Variants in LRFN5 observed in about 807,000 individuals in gnomAD.
LRFN5 encodes leucine rich repeat and fibronectin type III domain containing 5, also known as leucine-rich repeat and fibronectin type-III domain-containing protein 5.
Under a neutral mutation model 45.6 loss-of-function variants are expected in LRFN5, and 24 were observed. The observed-to-expected ratio is 0.53, with a 90% CI of 0.38 to 0.74. The LOEUF is 0.74. Ranked by LOEUF, LRFN5 falls within the 30% of genes least tolerant of loss-of-function variation. The probability of loss-of-function intolerance (pLI) is 0.00; values close to 1 mark genes in which losing one functional copy is unlikely to be tolerated. For missense variants in LRFN5, 776 were observed against 861.5 expected, an observed-to-expected ratio of 0.90 and a Z score of 1.24; for synonymous variants, 340 against 313.8, an observed-to-expected ratio of 1.08 and a Z score of -0.88.
At chr14:41,802,572 T>C (rs1295804685) in intron 2 of LRFN5, among the ~76,000 whole-genome samples, 1 of 152,182 alleles carries the variant, frequency 6.6e-6, no homozygotes, top group South Asian at 2.1e-4. Flanking sequence ...AAATGTTTTG[T>C]CAAGGAAAGT....
chr14:41,807,407 A>T (rs1012153369), intron 2 of LRFN5, among the ~76,000 whole-genome samples: 1 of 152,202 alleles, frequency 6.6e-6, no homozygotes, highest in African/African-American at 2.4e-5. Context: ...GAATGACAGC[A>T]TCTATATTTA....
At chr14:41,804,172 T>G (rs1287639958) in intron 2 of LRFN5, among the ~76,000 whole-genome samples, 1 of 152,090 alleles carries the variant, frequency 6.6e-6, no homozygotes. Context: ...AGAGTTTTAT[T>G]ACTACTCAAA....
At chr14:41,770,897 G>T (rs1045095732) in intron 2 of LRFN5, among the ~76,000 whole-genome samples, 1 of 151,974 alleles carries the variant, frequency 6.6e-6, no homozygotes, top group African/African-American at 2.4e-5. Flanking sequence ...GAGTTTCTCT[G>T]TGAGGAGCTC....
intron 1 of LRFN5, among the ~76,000 whole-genome samples, chr14:41,671,949 A>C (rs79636055): frequency 6.6e-6 from 1 of 152,222 alleles, no homozygotes; most frequent in Admixed American, 6.5e-5. Flanking sequence ...CCAAATCTTG[A>C]TTCAAAACCT....
intron 1 of LRFN5, among the ~76,000 whole-genome samples, chr14:41,630,586 A>C (rs1472413729): frequency 6.6e-6 from 1 of 152,118 alleles, no homozygotes; most frequent in East Asian, 1.9e-4. Context: ...TTAGATGTGC[A>C]GTAATGAAAC....
At chr14:41,772,976 A>G (rs1333312235) in intron 2 of LRFN5, among the ~76,000 whole-genome samples, 1 of 152,140 alleles carries the variant, frequency 6.6e-6, no homozygotes, top group Non-Finnish European at 1.5e-5. Flanking sequence ...AATTATTTAC[A>G]ATACCCAGCG....
At chr14:41,726,900 G>T in intron 1 of LRFN5, among the ~76,000 whole-genome samples, 1 of 152,246 alleles carries the variant, frequency 6.6e-6, no homozygotes, top group Non-Finnish European at 1.5e-5. Flanking sequence ...GGCTGTAATT[G>T]TATGTATATA....
intron 1 of LRFN5, among the ~76,000 whole-genome samples, chr14:41,693,664 A>G (rs576659332): frequency 1.3e-5 from 2 of 151,908 alleles, no homozygotes; most frequent in South Asian, 4.1e-4. Flanking sequence ...GTATTCTGTG[A>G]TTTTTTGATA....
At chr14:41,666,387 A>G (rs954434062) in intron 1 of LRFN5, among the ~76,000 whole-genome samples, 3 of 152,074 alleles carry the variant, frequency 2.0e-5, no homozygotes, top group African/African-American at 7.2e-5. Flanking sequence ...GATATTTATA[A>G]TGTTTAAAGT....
At chr14:41,880,716 A>C (rs546905596) in intron 2 of LRFN5, among the ~76,000 whole-genome samples, 2 of 152,258 alleles carry the variant, frequency 1.3e-5, no homozygotes, top group South Asian at 4.1e-4. Flanking sequence ...ATTAATAGTG[A>C]AAGAGAAGAG....
intron 2 of LRFN5, among the ~76,000 whole-genome samples, chr14:41,857,766 G>GTTT (rs985015197): frequency 6.6e-6 from 1 of 152,212 alleles, no homozygotes; most frequent in Admixed American, 6.5e-5. Flanking sequence ...CTCAAAAAAT[G>GTTT]TTATTAGACG....
chr14:41,880,201 A>G (rs1228010197), intron 2 of LRFN5, among the ~76,000 whole-genome samples: 2 of 152,052 alleles, frequency 1.3e-5, no homozygotes, highest in East Asian at 3.9e-4. Context: ...TGCTGGGATT[A>G]CAGGTGTGAG....
chr14:41,827,481 C>T (rs1208276780), intron 2 of LRFN5, among the ~76,000 whole-genome samples: 2 of 151,574 alleles, frequency 1.3e-5, no homozygotes, highest in African/African-American at 2.4e-5. Flanking sequence ...TTTTTATTTG[C>T]TAGAGGAAAT....
intron 1 of LRFN5, among the ~76,000 whole-genome samples, chr14:41,706,800 G>A (rs150950555): frequency 0.014 from 2,103 of 152,218 alleles, 60 homozygotes; most frequent in Non-Finnish European, 0.016. Context: ...GTAAATAATA[G>A]TATGTAAAGC....
At chr14:41,773,996 T>C (rs771615329) in intron 2 of LRFN5, among the ~76,000 whole-genome samples, 5 of 152,242 alleles carry the variant, frequency 3.3e-5, no homozygotes, top group Non-Finnish European at 5.9e-5. Context: ...CTGCTGTTAA[T>C]GTTGGTCTTT....
At chr14:41,756,918 C>T (rs1001863032) in intron 1 of LRFN5, among the ~76,000 whole-genome samples, 11 of 152,054 alleles carry the variant, frequency 7.2e-5, no homozygotes, top group African/African-American at 1.2e-4. Context: ...ATGATGGTGA[C>T]GTACAGATGG....
intron 1 of LRFN5, among the ~76,000 whole-genome samples, chr14:41,643,443 TA>T (rs1439277796): frequency 1.3e-5 from 2 of 152,128 alleles, no homozygotes; most frequent in Admixed American, 6.6e-5. Context: ...ATTTTTGAAA[TA>T]AATCCCCTTT....
At chr14:41,830,610 GA>G (rs1888444847) in intron 2 of LRFN5, among the ~76,000 whole-genome samples, 1 of 152,172 alleles carries the variant, frequency 6.6e-6, no homozygotes, top group East Asian at 1.9e-4. Context: ...ATGAAGTCCA[GA>G]AATAGCACTT....
intron 1 of LRFN5, among the ~76,000 whole-genome samples, chr14:41,675,421 C>T (rs982049971): frequency 1.3e-5 from 2 of 152,216 alleles, no homozygotes; most frequent in Non-Finnish European, 2.9e-5. Flanking sequence ...GCCAACACAG[C>T]GAAACCCCGT....
Sources: allele counts gnomAD v4.1 joint callset (sites outside exome capture counted in the v4.1 genomes callset), GRCh38; gene constraint gnomAD v4.1.1; transcripts MANE v1.5; gene names NCBI Gene and HGNC (gene_info 2026-07-23, HGNC 2026-07-21).